ZNF358: variants seen among roughly 807,000 people sequenced by gnomAD.
ZNF358 encodes the protein zinc finger protein 358.
Under a neutral mutation model 2.1 loss-of-function variants are expected in ZNF358, and 1 was observed. The observed-to-expected ratio is 0.49, with a 90% confidence interval of 0.17 to 2.30. The LOEUF is 2.30. ZNF358 is among the 30% of genes most tolerant of loss of function. The pLI is 0.26. For synonymous variants in ZNF358, 381 were observed against 359.7 expected (o/e 1.06, Z -0.67); for missense variants, 665 against 806.8 (o/e 0.82, Z 2.13).
Position 7,520,459 on chromosome 19 carries a change from C to CAG in ZNF358, c.1217_1218insAG (p.Ala408ArgfsTer18), listed in dbSNP as rs2022454243. 2.1e-5 allele frequency: 30 copies of CAG among 1,459,050 alleles called. 1 individual carries two copies. Among genetic ancestry groups the CAG allele is most frequent in the Non-Finnish European group, 2.6e-5 (29 of 1,103,372 alleles). 90.4% of individuals were successfully genotyped at this position (1,459,050 alleles called of 1,614,324 possible). On this transcript the variant is annotated frameshift_variant, in exon 2 of 2. Coordinates refer to ENST00000597229, the MANE Select transcript of ZNF358 (RefSeq NM_018083.5). LOFTEE classifies it low-confidence loss of function (END_TRUNC). This position sits in a 1 kb window ranked among gnomAD's most constrained non-coding sequence, Gnocchi z 6.0. ...GAGGGTGCAGCCGCTGCTGCAGCTGCCGCGGCCGCTGCAGCTGCAGCAGCG... is the reference window on the plus strand; with the variant it reads ...GAGGGTGCAGCCGCTGCTGCAGCTGCAGCGCGGCCGCTGCAGCTGCAGCAGCG...
Position 7,520,047 on chromosome 19 carries a change from G to C in ZNF358, c.805G>C (p.Ala269Pro). ...GCGGCCCCACAAGTGCCCGGTGTGC[G>C]CCAAGGGCTTCGGCCAGGGCTCTGC... ...GPRPHKCPVC[A>P]KGFGQGSALL... Residue 269 changes from alanine (A) to proline (P), a missense_variant, in exon 2 of 2, where the codon GCC (alanine) becomes CCC (proline). Around this residue, in one of 3 missense-constraint regions of ZNF358, gnomAD observed 210 missense variants for 350.8 expected, o/e 0.60. Transcript: ENST00000597229. This position sits in a 1 kb window ranked among gnomAD's most constrained non-coding sequence, Gnocchi z 6.0. 3.2e-6 allele frequency: 5 copies of C among 1,554,690 alleles called. No homozygotes were observed. The highest frequency in any genetic ancestry group is 4.3e-6 in the Non-Finnish European group (5 of 1,158,024).
At chr19:7,518,557 G>GAGAAAGAAAGAAAGAAAGAAAGAAAGGA in intron 1 of ZNF358, among the ~76,000 whole-genome samples, 1 of 116,172 alleles carries the variant, frequency 8.6e-6, no homozygotes, top group East Asian at 2.6e-4. Flanking sequence ...GAGAGAGAGA[G>GAGAAAGAAAGAAAGAAAGAAAGAAAGGA]AGAAAGAAAG....
At chr19:7,514,111 G>A (rs1028093732), upstream of ZNF358, 5 of 152,162 alleles carry the variant, frequency 3.3e-5, no homozygotes, top group Non-Finnish European at 2.9e-5. Context: ...CCGTTCTTTT[G>A]AACAACTGGG....
Position 7,520,974 on chromosome 19 carries a change from C to T in ZNF358, c.*25C>T, listed in dbSNP as rs760413982. ...AAGGAGACGCCGGCATCCTCGGGGG[C>T]CTGGGGAAGTTGTGTGTTGTGCAGT... On this transcript the variant is annotated 3_prime_UTR_variant, in exon 2 of 2. Transcript: ENST00000597229. The surrounding 1 kb of genome is among the most constrained non-coding windows in gnomAD (Gnocchi z 6.0). 5 of 1,605,542 alleles carry T rather than the reference C, an allele frequency of 3.1e-6. No homozygotes were observed. The East Asian group carries it at 1.1e-4, about 36-fold the overall frequency.
chr19:7,517,707 G>C lies in ZNF358; in HGVS notation c.-39+1458G>C, dbSNP rs1475955018. ...TGCTCACTATCTGGCTGTAGGAAAG[G>C]GCATTTCCGATCTGTCTAAGAGAGA... On this transcript the variant is annotated intron_variant, in intron 1 of 1. Transcript: ENST00000597229. Among the ~76,000 whole-genome samples, 74 of 152,120 alleles carry C rather than the reference G, an allele frequency of 4.9e-4. 1 individual carries two copies. The highest frequency in any genetic ancestry group is 4.8e-3 in the Admixed American group (74 of 15,272).
At chr19:7,518,534 A>C (rs1165923219) in intron 1 of ZNF358, among the ~76,000 whole-genome samples, 1 of 104,602 alleles carries the variant, frequency 9.6e-6, no homozygotes, top group Non-Finnish European at 1.9e-5. Context: ...AAGGAAGGAA[A>C]GAAAGAAAGA....
chr19:7,515,534 T>G (rs1460189898), upstream of ZNF358: 1 of 152,134 alleles, frequency 6.6e-6, no homozygotes, highest in Non-Finnish European at 1.5e-5. Context: ...TAAGCAAAAA[T>G]AGACATGTTT....
rs1568395507 is a variant in ZNF358 at position 7,520,445 on chromosome 19, CGCTGCTGCA to C, written c.1209_1217del (p.Ala414_Ala416del). 6.8e-7 allele frequency: 1 copy of C among 1,461,082 alleles called. No individual in the cohort carries two copies. The highest frequency in any genetic ancestry group is 1.5e-5 in the African/African-American group (1 of 66,460). The allele number at this position is 1,461,082 out of a possible 1,614,324, so 90.5% of individuals were successfully genotyped here. On this transcript the variant is annotated inframe_deletion, in exon 2 of 2. Transcript: ENST00000597229. The surrounding 1 kb of genome is among the most constrained non-coding windows in gnomAD (Gnocchi z 6.0). The stretch of plus-strand genomic sequence containing the variant: ...ACAAACGGGTGCATGAGGGTGCAGC[CGCTGCTGCA>C]GCTGCCGCGGCCGCTGCAGCTGCAG...
rs775615860 is a variant in ZNF358 at position 7,520,448 on chromosome 19, TGCTGCAGCTGCCGCGGCC to T, written c.1218_1235del (p.Ala411_Ala416del). 110 of 1,331,650 alleles carry T rather than the reference TGCTGCAGCTGCCGCGGCC, an allele frequency of 8.3e-5. No individual in the cohort carries two copies. The highest frequency in any genetic ancestry group is 2.9e-4 in the Admixed American group (12 of 41,442). 82.5% of individuals were successfully genotyped at this position (1,331,650 alleles called of 1,614,324 possible). ...AACGGGTGCATGAGGGTGCAGCCGC[TGCTGCAGCTGCCGCGGCC>T]GCTGCAGCTGCAGCAGCGGCCGCCG... On this transcript the variant is annotated inframe_deletion, in exon 2 of 2. Transcript: ENST00000597229. This position sits in a 1 kb window ranked among gnomAD's most constrained non-coding sequence, Gnocchi z 6.0.
chr19:7,519,172 C>T (rs1475947287), intron 1 of ZNF358, 33 bp from the exon 2 acceptor site: 1 of 1,544,732 alleles, frequency 6.5e-7, no homozygotes, highest in South Asian at 1.3e-5. Context: ...ACAGAACCCA[C>T]CTACCCTCTA....
chr19:7,519,246 C>A lies in ZNF358; in HGVS notation c.4C>A (p.Arg2=), dbSNP rs1376009538. Residue 2 remains arginine, a synonymous_variant, in exon 2 of 2, where the codon CGG becomes AGG. Coordinates refer to ENST00000597229, the MANE Select transcript of ZNF358 (RefSeq NM_018083.5). Reference sequence around the variant, plus strand: ...TGCGGGCACATCCACGCCTGAAATGCGGCGCTCAGTCCTGGTCAGGAACCC... The same window carrying A: ...TGCGGGCACATCCACGCCTGAAATGAGGCGCTCAGTCCTGGTCAGGAACCC... The part of the protein sequence containing the change: M[R]RSVLVRNPGH... 6.2e-7 allele frequency: 1 copy of A among 1,611,496 alleles called. No individual in the cohort carries two copies. Among genetic ancestry groups the A allele is most frequent in the Non-Finnish European group, 8.5e-7 (1 of 1,178,970 alleles).
At position 7,519,647 on chromosome 19, in the gene ZNF358, C is replaced by A. The variant is rs1043155913; in HGVS notation, c.405C>A (p.Ala135=). The A allele has an allele frequency of 3.8e-6, 6 of 1,588,940 alleles. 1 individual carries two copies. The African/African-American group carries it at 4.0e-5, about 11-fold the overall frequency. ...SGLTATPQVL[A]TSPAVLPAPA... is the part of the protein sequence containing the mutation. ...TCACTGCCACCCCCCAGGTCTTGGCCACCAGCCCCGCGGTGCTCCCCGCCC... is the reference window on the plus strand; with the variant it reads ...TCACTGCCACCCCCCAGGTCTTGGCAACCAGCCCCGCGGTGCTCCCCGCCC... Residue 135 remains alanine, a synonymous_variant, in exon 2 of 2, where the codon GCC becomes GCA. Coordinates refer to ENST00000597229, the MANE Select transcript of ZNF358 (RefSeq NM_018083.5).
At position 7,520,595 on chromosome 19, in the gene ZNF358, C is replaced by A; in HGVS notation, c.1353C>A (p.Gly451=). 3 of 1,405,010 alleles carry A rather than the reference C, an allele frequency of 2.1e-6. No individual in the cohort carries two copies. The highest frequency in any genetic ancestry group is 3.0e-6 in the Non-Finnish European group (3 of 1,013,218). The allele number at this position is 1,405,010 out of a possible 1,614,324, so 87.0% of individuals were successfully genotyped here. A position where few individuals can be genotyped will look rare whatever the true frequency, so the allele number is the denominator to read the frequency against. Reference sequence around the variant, plus strand: ...TTTCTGTGCTCGGCTCTGGCTTGGGCCTCAGCCCTGGCACCAGCTCTGGCC... The same window carrying A: ...TTTCTGTGCTCGGCTCTGGCTTGGGACTCAGCCCTGGCACCAGCTCTGGCC... ...DAVSVLGSGL[G]LSPGTSSGRN... Residue 451 remains glycine (G), a synonymous_variant, in exon 2 of 2, where the codon GGC becomes GGA. Coordinates refer to ENST00000597229, the MANE Select transcript of ZNF358 (RefSeq NM_018083.5). This position sits in a 1 kb window ranked among gnomAD's most constrained non-coding sequence, Gnocchi z 6.0.
chr19:7,520,961 G>A lies in ZNF358; in HGVS notation c.*12G>A, dbSNP rs1173762749. Reference sequence around the variant, plus strand: ...GGCCTGATGGCTGAAGGAGACGCCGGCATCCTCGGGGGCCTGGGGAAGTTG... The same window carrying A: ...GGCCTGATGGCTGAAGGAGACGCCGACATCCTCGGGGGCCTGGGGAAGTTG... On this transcript the variant is annotated 3_prime_UTR_variant, in exon 2 of 2. Coordinates refer to ENST00000597229, the MANE Select transcript of ZNF358 (RefSeq NM_018083.5). The surrounding 1 kb of genome is among the most constrained non-coding windows in gnomAD (Gnocchi z 6.0). The A allele has an allele frequency of 5.6e-6, 9 of 1,609,156 alleles. No homozygotes were observed. The highest frequency in any genetic ancestry group is 4.5e-5 in the East Asian group (2 of 44,802).
At chr19:7,518,758 C>CA (rs1471032046) in intron 1 of ZNF358, among the ~76,000 whole-genome samples, 1 of 151,388 alleles carries the variant, frequency 6.6e-6, no homozygotes, top group Non-Finnish European at 1.5e-5. Context: ...GACCCCATCT[C>CA]AAAAAAATAA....
rs771782759 is a variant in ZNF358, at chr19:7,519,205, G to A, written c.-38G>A. 12 of 1,596,544 alleles carry A rather than the reference G, an allele frequency of 7.5e-6. No individual in the cohort carries two copies. In the East Asian group the frequency reaches 2.5e-4, roughly 33 times the overall value. ...CTACCCTCTATCCTTGCCCTTGCAG[G>A]TCTTGCCCCAGAAGCTGCGGGCACA... On this transcript the variant is annotated splice_region_variant and 5_prime_UTR_variant, in exon 2 of 2. Transcript: ENST00000597229.
rs908206511 is a variant in ZNF358, at chr19:7,516,959, G to A, written c.-39+710G>A. Among the ~76,000 whole-genome samples, 1 of 152,152 alleles carries A rather than the reference G, an allele frequency of 6.6e-6. No homozygotes were observed. Among genetic ancestry groups the A allele is most frequent in the Admixed American group, 6.5e-5 (1 of 15,278 alleles). On this transcript the variant is annotated intron_variant, in intron 1 of 1. Coordinates refer to ENST00000597229, the MANE Select transcript of ZNF358 (RefSeq NM_018083.5). This position sits in a 1 kb window ranked among gnomAD's most constrained non-coding sequence, Gnocchi z 5.9. ...CTTGTTTCCCCCACTCTCCAACTAT[G>A]GGGTCTGGGTTGAGGACCGCCGTCC...
Position 7,519,603 on chromosome 19 carries a change from G to T in ZNF358, c.361G>T (p.Asp121Tyr), listed in dbSNP as rs370159121. 1.6e-5 allele frequency: 26 copies of T among 1,599,118 alleles called. No homozygotes were observed. Among genetic ancestry groups the T allele is most frequent in the Non-Finnish European group, 2.0e-5 (24 of 1,179,714 alleles). Residue 121 changes from aspartate to tyrosine, a missense_variant, in exon 2 of 2, where the codon GAC becomes TAC. Transcript: ENST00000597229. ...CCTCAGCCCCGGCGATCCAAAAGTG[G>T]ACCCCATCTCCTCTGGCCTCACTGC... Reference protein sequence around the residue: ...DTLSPGDPKVDPISSGLTATP... With the variant: ...DTLSPGDPKVYPISSGLTATP...
Position 7,520,528 on chromosome 19 carries a change from T to A in ZNF358, c.1286T>A (p.Met429Lys). 3 of 1,263,808 alleles carry A rather than the reference T, an allele frequency of 2.4e-6. No homozygotes were observed. Among genetic ancestry groups the A allele is most frequent in the East Asian group, 5.1e-5 (2 of 39,450 alleles). 78.3% of individuals were successfully genotyped at this position (1,263,808 alleles called of 1,614,324 possible). The change falls in exon 2 of 2, where the codon ATG becomes AAG. Residue 429 changes from methionine (M) to lysine (K), a missense_variant. Met to Lys is a moderately conservative substitution (Grantham distance 95, BLOSUM62 -1). Around this residue, in one of 3 missense-constraint regions of ZNF358, gnomAD observed 249 missense variants for 227.6 expected, o/e 1.09. Coordinates refer to ENST00000597229, the MANE Select transcript of ZNF358 (RefSeq NM_018083.5). The surrounding 1 kb of genome is among the most constrained non-coding windows in gnomAD (Gnocchi z 6.0). The stretch of plus-strand genomic sequence containing the variant: ...GGGCCTGGCCTAAGCCCTGCATCCA[T>A]GATGAGGCCGGGGCAGGTCTCCCTC... ...GLGPGLSPAS[M>K]MRPGQVSLLG...
Sources: allele counts gnomAD v4.1 joint callset (sites outside exome capture counted in the v4.1 genomes callset), GRCh38; gene constraint gnomAD v4.1.1; regional missense constraint gnomAD v4.1.1; non-coding constraint Gnocchi (gnomAD v3.1); transcripts MANE v1.5; gene names NCBI Gene and HGNC (gene_info 2026-07-23, HGNC 2026-07-21).